The following ATP2C1 variants were observed in gnomAD, a reference collection of about 807,000 sequenced individuals.
ATP2C1 encodes ATPase secretory pathway Ca2+ transporting 1, also known as calcium-transporting ATPase type 2C member 1.
ATP2C1 carries 31 observed loss-of-function variants against 120.5 expected under a neutral mutation model. The ratio of observed to expected loss-of-function variants is 0.26; its 90% CI spans 0.19 to 0.35. ATP2C1 has a LOEUF of 0.35. ATP2C1 is among the 10% of genes least tolerant of loss of function. The pLI is 1.00. For synonymous variants in ATP2C1, 351 were observed against 358.7 expected (o/e 0.98, Z 0.24); for missense variants, 731 against 1,107.5 (o/e 0.66, Z 4.83).
At chr3:130,987,700 G>T (rs1399011611) in intron 20 of ATP2C1, among the ~76,000 whole-genome samples, 1 of 152,170 alleles carries the variant, frequency 6.6e-6, no homozygotes, top group Non-Finnish European at 1.5e-5. Context: ...CAGACCTTTT[G>T]TTCTAAATCA....
At chr3:130,993,251 C>T (rs1577023823) in intron 21 of ATP2C1, among the ~76,000 whole-genome samples, 1 of 151,846 alleles carries the variant, frequency 6.6e-6, no homozygotes, top group South Asian at 2.1e-4. Flanking sequence ...CAGTATAAAA[C>T]AATGTTCTAA....
At chr3:130,924,313 A>C (rs1397895370) in intron 2 of ATP2C1, among the ~76,000 whole-genome samples, 1 of 152,162 alleles carries the variant, frequency 6.6e-6, no homozygotes, top group African/African-American at 2.4e-5. Flanking sequence ...TAAAGACTTT[A>C]TCTCTCCTTC....
Position 131,002,571 on chromosome 3 carries a change from G to C in ATP2C1, c.*1221G>C. Reference sequence around the variant, plus strand: ...ATGCCATCAGTTTTTATGAAAGCTTGATGAGGTATAGGTCATTTGTTTTGA... The same window carrying C: ...ATGCCATCAGTTTTTATGAAAGCTTCATGAGGTATAGGTCATTTGTTTTGA... On this transcript the variant is annotated 3_prime_UTR_variant, in exon 28 of 28. Coordinates refer to ENST00000510168, the MANE Select transcript of ATP2C1 (RefSeq NM_001378687.1). The C allele has an allele frequency of 1.0e-6, 1 of 985,398 alleles. No individual in the cohort carries two copies. Among genetic ancestry groups the C allele is most frequent in the Non-Finnish European group, 1.2e-6 (1 of 829,910 alleles). The allele number at this position is 985,398 out of a possible 1,614,324, so 61.0% of individuals were successfully genotyped here.
chr3:130,922,048 T>G (rs1355403751), intron 2 of ATP2C1, among the ~76,000 whole-genome samples: 1 of 152,208 alleles, frequency 6.6e-6, no homozygotes, highest in East Asian at 1.9e-4. Context: ...CAAATTTCTT[T>G]GAATGTCTGA....
intron 17 of ATP2C1, among the ~76,000 whole-genome samples, chr3:130,971,463 A>G (rs905576267): frequency 2.0e-5 from 3 of 152,228 alleles, no homozygotes; most frequent in African/African-American, 7.2e-5. Flanking sequence ...TGACACAGAT[A>G]GGGAAACTTA....
chr3:130,919,099 C>G, intron 2 of ATP2C1: 1 of 427,088 alleles, frequency 2.3e-6, no homozygotes, highest in South Asian at 1.9e-5. Context: ...ACACTTGTTT[C>G]CACCTCTCCA....
intron 1 of ATP2C1, among the ~76,000 whole-genome samples, chr3:130,865,522 C>T (rs1446354636): frequency 6.6e-6 from 1 of 152,098 alleles, no homozygotes; most frequent in African/African-American, 2.4e-5. Context: ...TTGACAGTGT[C>T]CCCACCCAAA....
chr3:130,867,221 A>G (rs977098598), intron 1 of ATP2C1, among the ~76,000 whole-genome samples: 10 of 152,280 alleles, frequency 6.6e-5, no homozygotes, highest in African/African-American at 2.4e-4. Flanking sequence ...TAATAACCCT[A>G]CAATGGCCTG....
At chr3:130,850,727 C>A in exon 1 of ATP2C1, 1 of 558,826 alleles carries the variant, frequency 1.8e-6, no homozygotes. Context: ...GAGCTACAAA[C>A]AAATCTTTAG....
chr3:130,865,799 C>T (rs938309914), intron 1 of ATP2C1, among the ~76,000 whole-genome samples: 7 of 152,160 alleles, frequency 4.6e-5, no homozygotes, highest in Non-Finnish European at 1.0e-4. Flanking sequence ...AATTAAACCT[C>T]TTTTTTATCC....
Position 130,918,251 on chromosome 3 carries a change from C to CCA in ATP2C1, c.7-12164_7-12163dup, listed in dbSNP as rs2058774880. 5 of 1,515,234 alleles carry CCA rather than the reference C, an allele frequency of 3.3e-6. No individual in the cohort carries two copies. The South Asian group carries it at 5.6e-5, about 17-fold the overall frequency. 93.9% of individuals were successfully genotyped at this position (1,515,234 alleles called of 1,614,324 possible). A position where few individuals can be genotyped will look rare whatever the true frequency, so the allele number is the denominator to read the frequency against. On this transcript the variant is annotated intron_variant, in intron 2 of 27. Coordinates refer to ENST00000510168, the MANE Select transcript of ATP2C1 (RefSeq NM_001378687.1). The stretch of plus-strand genomic sequence containing the variant: ...GCATGAACAAGAGCCCTCTCCTTGG[C>CCA]CATAGCCAAATCCCTTGGGCCCAAA...
At chr3:130,918,329 A>G in intron 2 of ATP2C1, 1 of 1,563,682 alleles carries the variant, frequency 6.4e-7, no homozygotes, top group Non-Finnish European at 8.8e-7. Flanking sequence ...TTCAGTCAGG[A>G]GTTGTTGATT....
At chr3:130,974,732 T>A (rs1290396033) in intron 17 of ATP2C1, among the ~76,000 whole-genome samples, 1 of 152,092 alleles carries the variant, frequency 6.6e-6, no homozygotes, top group Non-Finnish European at 1.5e-5. Flanking sequence ...TGATAACTGA[T>A]GGAGTAGCAG....
intron 8 of ATP2C1, among the ~76,000 whole-genome samples, chr3:130,949,354 C>G (rs2060274311): frequency 6.6e-6 from 1 of 152,144 alleles, no homozygotes; most frequent in Admixed American, 6.6e-5. Flanking sequence ...CACAATATTT[C>G]CTTAAACCAA....
At chr3:130,977,028 C>T (rs1166488502) in intron 18 of ATP2C1, among the ~76,000 whole-genome samples, 1 of 152,196 alleles carries the variant, frequency 6.6e-6, no homozygotes, top group African/African-American at 2.4e-5. Flanking sequence ...CAACTTTCCA[C>T]CTCAGCTAGG....
intron 17 of ATP2C1, among the ~76,000 whole-genome samples, chr3:130,974,173 A>G (rs1324848145): frequency 6.6e-6 from 1 of 152,248 alleles, no homozygotes; most frequent in Non-Finnish European, 1.5e-5. Flanking sequence ...AATGATAGGT[A>G]TACAGAAAAC....
chr3:131,011,400 T>C (rs375216214), intron 26 of ATP2C1, among the ~76,000 whole-genome samples: 3 of 152,254 alleles, frequency 2.0e-5, no homozygotes, highest in Non-Finnish European at 4.4e-5. Flanking sequence ...TTCCTTTTGT[T>C]ACTTGAACTG....
At chr3:130,933,031 C>T (rs917486316) in intron 4 of ATP2C1, among the ~76,000 whole-genome samples, 1 of 152,178 alleles carries the variant, frequency 6.6e-6, no homozygotes, top group Non-Finnish European at 1.5e-5. Flanking sequence ...CACATTCCCA[C>T]ATTACCAAAG....
chr3:130,970,369 T>TACACACAA lies in ATP2C1; in HGVS notation c.1413+980_1413+981insAACACACA, dbSNP rs1553772607. Among the ~76,000 whole-genome samples, 33 of 130,730 alleles carry TACACACAA rather than the reference T, an allele frequency of 2.5e-4. 1 individual carries two copies. Among genetic ancestry groups the TACACACAA allele is most frequent in the African/African-American group, 9.6e-4 (33 of 34,204 alleles). The allele number at this position is 130,730 out of a possible 152,430, so 85.8% of individuals were successfully genotyped here. On this transcript the variant is annotated intron_variant, in intron 17 of 27. Transcript: ENST00000510168. ...GCAACAGCCTGTCTAAAAAAAAAATTACACACACACACACACACACACACA... is the reference window on the plus strand; with the variant it reads ...GCAACAGCCTGTCTAAAAAAAAAATTACACACAAACACACACACACACACACACACACA...
Sources: allele counts gnomAD v4.1 joint callset (sites outside exome capture counted in the v4.1 genomes callset), GRCh38; gene constraint gnomAD v4.1.1; transcripts MANE v1.5; gene names NCBI Gene and HGNC (gene_info 2026-07-23, HGNC 2026-07-21).